Variants in NUDT3 observed in about 807,000 individuals in gnomAD.
The protein encoded by NUDT3 is diphosphoinositol polyphosphate phosphohydrolase 1.
NUDT3 carries 9 observed loss-of-function variants against 23.6 expected under a neutral mutation model. The ratio of observed to expected loss-of-function variants is 0.38; its 90% CI spans 0.23 to 0.66. NUDT3 has a LOEUF of 0.66. Among genes scored for constraint, NUDT3 ranks in the 30% least tolerant of loss-of-function variants. NUDT3 has a pLI of 0.52. For missense variants in NUDT3, 172 were observed against 218.5 expected (o/e 0.79, Z 1.34); for synonymous variants, 86 against 82.6 (o/e 1.04, Z -0.22).
chr6:34,298,708 G>A (rs1763552936), intron 2 of NUDT3, among the ~76,000 whole-genome samples: 1 of 152,186 alleles, frequency 6.6e-6, no homozygotes, highest in South Asian at 2.1e-4. Flanking sequence ...AGCCTCCTGA[G>A]TAGCTGGGAT....
intron 2 of NUDT3, among the ~76,000 whole-genome samples, chr6:34,307,631 A>T (rs1423618645): frequency 6.6e-6 from 1 of 152,222 alleles, no homozygotes; most frequent in Non-Finnish European, 1.5e-5. Context: ...TCTTCTTCCA[A>T]GGAACCCATT....
rs1763265105 is a variant in NUDT3 at position 34,280,161 on chromosome 6, C to G, written c.*8592G>C. 6.6e-6 allele frequency: 1 copy of G among 152,188 alleles called. No individual in the cohort carries two copies. Among genetic ancestry groups the G allele is most frequent in the South Asian group, 2.1e-4 (1 of 4,828 alleles). The allele number at this position is 152,188 out of a possible 1,614,324, so 9.4% of individuals were successfully genotyped here. A position where few individuals can be genotyped will look rare whatever the true frequency, so the allele number is the denominator to read the frequency against. ...GGACATCCACCTCGAGAAAAGGAAA[C>G]AGGAAAACTATTTCCTTCCGCCTTC... On this transcript the variant is annotated 3_prime_UTR_variant, in exon 5 of 5. Coordinates refer to ENST00000607016, the MANE Select transcript of NUDT3 (RefSeq NM_006703.4).
rs200099331 is a variant in NUDT3 at position 34,297,718 on chromosome 6, TAAA to T, written c.211-2036_211-2034del. Among the ~76,000 whole-genome samples the T allele has an allele frequency of 7.1e-3, 557 of 78,744 alleles. 6 individuals carry two copies. Among genetic ancestry groups the T allele is most frequent in the African/African-American group, 0.021 (440 of 20,870 alleles). 51.7% of individuals were successfully genotyped at this position (78,744 alleles called of 152,430 possible). On this transcript the variant is annotated intron_variant, in intron 2 of 4. Transcript: ENST00000607016. ...TGCACATCACTACACCCGGCTAATGTAAAAAAAAAAAAATATATATATATATAT... is the reference window on the plus strand; with the variant it reads ...TGCACATCACTACACCCGGCTAATGTAAAAAAAAAATATATATATATATAT...
intron 1 of NUDT3, among the ~76,000 whole-genome samples, chr6:34,387,182 C>T (rs2113772421): frequency 6.6e-6 from 1 of 152,284 alleles, no homozygotes; most frequent in East Asian, 1.9e-4. Context: ...ATGACTATTA[C>T]TGGTTTCTGT....
intron 1 of NUDT3, among the ~76,000 whole-genome samples, chr6:34,368,605 G>A (rs1764776303): frequency 1.3e-5 from 2 of 152,182 alleles, no homozygotes. Flanking sequence ...CCAGGTTTAA[G>A]CATCAACGTA....
chr6:34,327,026 G>GCGGAGAC (rs1764045681), intron 2 of NUDT3, among the ~76,000 whole-genome samples: 5 of 151,598 alleles, frequency 3.3e-5, no homozygotes, highest in Admixed American at 6.6e-5. Context: ...CCACCAAGAC[G>GCGGAGAC]CGGAGACCGG....
At position 34,295,552 on chromosome 6, in the gene NUDT3, C is replaced by A. The variant is rs912299229; in HGVS notation, c.255+89G>T. Reference sequence around the variant, plus strand: ...AAAAATAACTAAAAAAAAAAAAACTCGCTGAAACAGAAATGGCATTTTTCC... The same window carrying A: ...AAAAATAACTAAAAAAAAAAAAACTAGCTGAAACAGAAATGGCATTTTTCC... On this transcript the variant is annotated intron_variant, in intron 3 of 4. Transcript: ENST00000607016. 6 of 1,434,004 alleles carry A rather than the reference C, an allele frequency of 4.2e-6. No individual in the cohort carries two copies. The African/African-American group carries it at 8.8e-5, about 21-fold the overall frequency. The allele number at this position is 1,434,004 out of a possible 1,614,324, so 88.8% of individuals were successfully genotyped here.
intron 1 of NUDT3, among the ~76,000 whole-genome samples, chr6:34,381,799 G>A (rs773599554): frequency 6.6e-6 from 1 of 151,972 alleles, no homozygotes; most frequent in Non-Finnish European, 1.5e-5. Context: ...AATCGGCTGG[G>A]CACGGTGGCT....
chr6:34,342,289 CA>C (rs200954440), intron 1 of NUDT3, among the ~76,000 whole-genome samples: 702 of 66,444 alleles, frequency 0.011, 3 homozygotes, highest in African/African-American at 0.018. Context: ...TAGAAGACTT[CA>C]AAAAAAAAAA....
At chr6:34,379,990 G>A (rs945457137) in intron 1 of NUDT3, among the ~76,000 whole-genome samples, 3 of 151,456 alleles carry the variant, frequency 2.0e-5, no homozygotes, top group Admixed American at 1.3e-4. Context: ...ATGGACAAGA[G>A]TGAACTCCAT....
intron 1 of NUDT3, among the ~76,000 whole-genome samples, chr6:34,372,154 T>C (rs975785286): frequency 1.4e-4 from 21 of 152,318 alleles, no homozygotes; most frequent in Middle Eastern, 3.4e-3. Flanking sequence ...TGATAGACAT[T>C]TGGGTTGGTT....
Position 34,293,508 on chromosome 6 carries a change from C to T in NUDT3, c.283G>A (p.Val95Ile). The T allele has an allele frequency of 6.2e-7, 1 of 1,614,178 alleles. No individual in the cohort carries two copies. The highest frequency in any genetic ancestry group is 8.5e-7 in the Non-Finnish European group (1 of 1,180,016). The change falls in exon 4 of 5, where the codon GTC (valine) becomes ATC (isoleucine). Residue 95 changes from valine to isoleucine, a missense_variant. Val to Ile is a conservative substitution (Grantham distance 29). Around this residue, in one of 3 missense-constraint regions of NUDT3, gnomAD observed 59 missense variants for 107.4 expected, o/e 0.55. Transcript: ENST00000607016. ...ENQERKHRTY[V>I]YVLIVTEVLE... Reference sequence around the variant, plus strand: ...ACTTCAGTGACAATGAGCACATAGACATACGTCCTGTGCTTCCTCTCCTGG... The same window carrying T: ...ACTTCAGTGACAATGAGCACATAGATATACGTCCTGTGCTTCCTCTCCTGG...
At chr6:34,319,446 A>G (rs1763907757) in intron 2 of NUDT3, among the ~76,000 whole-genome samples, 1 of 152,186 alleles carries the variant, frequency 6.6e-6, no homozygotes, top group Non-Finnish European at 1.5e-5. Flanking sequence ...AGTATATTAC[A>G]ATGAATATAA....
rs1763306279 is a variant in NUDT3, at chr6:34,283,838, T to A, written c.*4915A>T. ...CCAATGTTCCCCAATTTACTTTTTT[T>A]TTATACCTTAAAATATCAAATGTTT... On this transcript the variant is annotated 3_prime_UTR_variant, in exon 5 of 5. Coordinates refer to ENST00000607016, the MANE Select transcript of NUDT3 (RefSeq NM_006703.4). 1 of 152,216 alleles carries A rather than the reference T, an allele frequency of 6.6e-6. No homozygotes were observed. The highest frequency in any genetic ancestry group is 1.5e-5 in the Non-Finnish European group (1 of 68,040). The allele number at this position is 152,216 out of a possible 1,614,324, so 9.4% of individuals were successfully genotyped here.
intron 2 of NUDT3, among the ~76,000 whole-genome samples, chr6:34,303,017 T>C (rs1294533603): frequency 6.6e-6 from 1 of 152,168 alleles, no homozygotes; most frequent in African/African-American, 2.4e-5. Context: ...TAACAAAAAC[T>C]TCTAAGCCAT....
chr6:34,330,722 G>T (rs60369123), intron 2 of NUDT3, among the ~76,000 whole-genome samples: 1 of 152,070 alleles, frequency 6.6e-6, no homozygotes, highest in Non-Finnish European at 1.5e-5. Context: ...GATCACTTGA[G>T]CCAGGGAGGT....
chr6:34,362,850 G>A (rs922235156), intron 1 of NUDT3, among the ~76,000 whole-genome samples: 1 of 152,138 alleles, frequency 6.6e-6, no homozygotes, highest in Non-Finnish European at 1.5e-5. Flanking sequence ...TTTTACACTT[G>A]AGGAAACTGG....
At position 34,289,347 on chromosome 6, in the gene NUDT3, G is replaced by A. The variant is rs768550114; in HGVS notation, c.341-416C>T. On this transcript the variant is annotated intron_variant, in intron 4 of 4. Transcript: ENST00000607016. ...TTTAGGAGGCTAAGGTGGGCGGATC[G>A]CTTGAGCCCAGGAGTTTGAGACTGG... Among the ~76,000 whole-genome samples the A allele has an allele frequency of 5.3e-5, 8 of 152,150 alleles. 1 individual carries two copies. In the South Asian group the frequency reaches 1.2e-3, roughly 24 times the overall value.
chr6:34,374,303 T>C (rs1382408198), intron 1 of NUDT3, among the ~76,000 whole-genome samples: 1 of 152,144 alleles, frequency 6.6e-6, no homozygotes, highest in African/African-American at 2.4e-5. Flanking sequence ...TTGGTTCCAG[T>C]TCCCTTATTT....
Sources: allele counts gnomAD v4.1 joint callset (sites outside exome capture counted in the v4.1 genomes callset), GRCh38; gene constraint gnomAD v4.1.1; regional missense constraint gnomAD v4.1.1; transcripts MANE v1.5; gene names NCBI Gene and HGNC (gene_info 2026-07-23, HGNC 2026-07-21).